The following LOXHD1 variants were observed in gnomAD, a reference collection of about 807,000 sequenced individuals.
LOXHD1 encodes lipoxygenase homology domain-containing protein 1.
A neutral mutation model predicts 248.2 loss-of-function variants in LOXHD1; 205 were observed. The ratio of observed to expected loss-of-function variants is 0.83; its 90% CI spans 0.74 to 0.93. The LOEUF (loss-of-function observed/expected upper bound fraction) is 0.93, where lower values mean the gene tolerates loss of function less well. LOXHD1 is among the 40% of genes least tolerant of loss of function. The pLI is 0.00. For synonymous variants in LOXHD1, 1,113 were observed against 1,162.8 expected (o/e 0.96, Z 0.87); for missense variants, 2,930 against 2,971.6 (o/e 0.99, Z 0.33).
chr18:46,570,772 T>A (rs1362933900), intron 15 of LOXHD1, among the ~76,000 whole-genome samples: 2 of 152,152 alleles, frequency 1.3e-5, no homozygotes, highest in African/African-American at 4.8e-5. Flanking sequence ...AAAAGTTTTA[T>A]GTTTTAAGAA....
intron 16 of LOXHD1, among the ~76,000 whole-genome samples, chr18:46,567,764 C>T (rs754095834): frequency 1.8e-4 from 28 of 152,160 alleles, no homozygotes; most frequent in Non-Finnish European, 3.4e-4. Context: ...AATGAGAAAA[C>T]GGAGGCAAAC....
At chr18:46,597,082 G>C (rs2038267720) in intron 8 of LOXHD1, among the ~76,000 whole-genome samples, 1 of 152,182 alleles carries the variant, frequency 6.6e-6, no homozygotes, top group Non-Finnish European at 1.5e-5. Flanking sequence ...GATATCTAAT[G>C]TGTATGTTTT....
chr18:46,608,212 A>G (rs1250202374), intron 6 of LOXHD1, among the ~76,000 whole-genome samples: 5 of 152,222 alleles, frequency 3.3e-5, no homozygotes, highest in Non-Finnish European at 5.9e-5. Context: ...GAAAGAAACG[A>G]AAAGTCTACT....
At chr18:46,526,606 G>C (rs560284953) in intron 29 of LOXHD1, among the ~76,000 whole-genome samples, 2 of 152,220 alleles carry the variant, frequency 1.3e-5, no homozygotes, top group Non-Finnish European at 2.9e-5. Context: ...CAGGCCAGTG[G>C]GGGTAGGCCA....
In LOXHD1 at chr18:46,657,058, C is replaced by A; in HGVS notation, c.-25G>T. 4 of 1,551,542 alleles carry A rather than the reference C, an allele frequency of 2.6e-6. No individual in the cohort carries two copies. The highest frequency in any genetic ancestry group is 3.5e-6 in the Non-Finnish European group (4 of 1,146,886). ...TTCTGTCGGCTGCCTTCTCCCAGCG[C>A]TCGCAGGCTCACTGTGCCGCCTCCT... On this transcript the variant is annotated 5_prime_UTR_variant, in exon 1 of 41. Coordinates refer to ENST00000642948, the MANE Select transcript of LOXHD1 (RefSeq NM_001384474.1).
intron 28 of LOXHD1, among the ~76,000 whole-genome samples, chr18:46,530,585 G>A (rs2036021127): frequency 6.6e-6 from 1 of 152,108 alleles, no homozygotes; most frequent in Non-Finnish European, 1.5e-5. Context: ...CCCTCAAAAA[G>A]GGGATTCCCC....
At chr18:46,559,286 A>G in intron 20 of LOXHD1, 162 bp downstream of exon 20, 1 of 1,539,178 alleles carries the variant, frequency 6.5e-7, no homozygotes. Flanking sequence ...CCCCTCCACA[A>G]AGTATCAGTG....
chr18:46,598,858 G>A (rs1318421323), intron 8 of LOXHD1, among the ~76,000 whole-genome samples: 2 of 152,136 alleles, frequency 1.3e-5, no homozygotes, highest in Non-Finnish European at 2.9e-5. Context: ...ATATAGTAAA[G>A]ATGTCAGTTC....
intron 28 of LOXHD1, 136 bp downstream of exon 28, chr18:46,533,025 GC>G (rs2036143042): frequency 4.7e-6 from 4 of 853,496 alleles, no homozygotes; most frequent in Admixed American, 5.8e-5. Context: ...AGCCTCAGTG[GC>G]CCTCTCTAGA....
At chr18:46,515,062 G>A (rs749763090) in intron 34 of LOXHD1, among the ~76,000 whole-genome samples, 7 of 152,168 alleles carry the variant, frequency 4.6e-5, no homozygotes, top group Non-Finnish European at 1.0e-4. Flanking sequence ...ATGAGAAGTT[G>A]GGAAATTTAG....
chr18:46,484,989 C>A, intron 39 of LOXHD1, 30 bp downstream of exon 39: 2 of 1,546,028 alleles, frequency 1.3e-6, no homozygotes, highest in Non-Finnish European at 1.8e-6. Context: ...ACCCACCCCC[C>A]ACCACTTCCC....
chr18:46,498,892 A>G (rs1172678386), intron 37 of LOXHD1, among the ~76,000 whole-genome samples: 1 of 152,184 alleles, frequency 6.6e-6, no homozygotes, highest in East Asian at 1.9e-4. Context: ...AAATGCTTTA[A>G]CAAGTGTGTC....
At chr18:46,625,886 T>A (rs969348480) in intron 4 of LOXHD1, among the ~76,000 whole-genome samples, 1 of 152,166 alleles carries the variant, frequency 6.6e-6, no homozygotes, top group Non-Finnish European at 1.5e-5. Flanking sequence ...CACATTTCGA[T>A]AACCTTGGCT....
intron 8 of LOXHD1, among the ~76,000 whole-genome samples, chr18:46,597,841 C>G (rs1025545878): frequency 1.3e-5 from 2 of 151,864 alleles, no homozygotes; most frequent in African/African-American, 4.8e-5. Flanking sequence ...ACTGCAAGCT[C>G]CACCTCCAGA....
chr18:46,564,117 T>TGTGC (rs1491071684), intron 17 of LOXHD1, among the ~76,000 whole-genome samples: 1 of 150,808 alleles, frequency 6.6e-6, no homozygotes, highest in Non-Finnish European at 1.5e-5. Context: ...TGTGTGTGTG[T>TGTGC]GCACGCACAC....
rs12326233 is a variant in LOXHD1 at position 46,535,338 on chromosome 18, G to A, written c.4096-887C>T. ...AAATGGGTACGATAAAATCAGCCAG[G>A]CCTTCTCATAATGCGGTGGTGAGCC... On this transcript the variant is annotated intron_variant, in intron 26 of 40. Transcript: ENST00000642948. Among the ~76,000 whole-genome samples, 1,443 of 152,164 alleles carry A rather than the reference G, an allele frequency of 9.5e-3. 23 individuals are homozygous for A. Among genetic ancestry groups the A allele is most frequent in the African/African-American group, 0.033 (1,356 of 41,512 alleles).
intron 21 of LOXHD1, among the ~76,000 whole-genome samples, chr18:46,550,994 C>A (rs1384198977): frequency 1.3e-5 from 2 of 152,164 alleles, no homozygotes; most frequent in Non-Finnish European, 2.9e-5. Flanking sequence ...GCATACAAGG[C>A]ACTCATAATA....
intron 31 of LOXHD1, 57 bp downstream of exon 31, chr18:46,524,409 C>T (rs2035723074): frequency 6.5e-7 from 1 of 1,531,220 alleles, no homozygotes; most frequent in Admixed American, 2.0e-5. Context: ...CCAAGAATTG[C>T]TTTAAAACAT....
chr18:46,503,543 C>A (rs1021236459), intron 37 of LOXHD1, among the ~76,000 whole-genome samples: 1 of 152,174 alleles, frequency 6.6e-6, no homozygotes, highest in African/African-American at 2.4e-5. Context: ...GTTATTCAAC[C>A]AGACTTGGGA....
Sources: gnomAD v4.1 joint callset for allele counts (sites outside exome capture counted in the v4.1 genomes callset) on GRCh38, gnomAD v4.1.1 for gene constraint, MANE v1.5 for transcripts, NCBI Gene and HGNC (gene_info 2026-07-23, HGNC 2026-07-21) for gene names.